FAM193A: variants seen among roughly 807,000 people sequenced by gnomAD.
FAM193A encodes family with sequence similarity 193 member A.
A neutral mutation model predicts 126.5 loss-of-function variants in FAM193A; 22 were observed. The observed-to-expected ratio is 0.17, with a 90% CI of 0.12 to 0.25. The LOEUF (loss-of-function observed/expected upper bound fraction) is 0.25, where lower values mean the gene tolerates loss of function less well. Ranked by LOEUF, FAM193A falls within the 10% of genes least tolerant of loss-of-function variation. The pLI, the probability that FAM193A is intolerant of heterozygous loss-of-function variation, is 1.00. For synonymous variants in FAM193A, 761 were observed against 646.8 expected, an observed-to-expected ratio of 1.18 and a Z score of -2.68; for missense variants, 1,675 against 1,672.8, an observed-to-expected ratio of 1.00 and a Z score of -0.02.
intron 2 of FAM193A, among the ~76,000 whole-genome samples, chr4:2,606,235 G>A (rs965991933): frequency 6.6e-6 from 1 of 151,574 alleles, no homozygotes; most frequent in Non-Finnish European, 1.5e-5. Context: ...ATTTTTGGTA[G>A]AGATGGGGGT....
intron 10 of FAM193A, 130 bp from the exon 11 acceptor site, chr4:2,662,708 G>T: frequency 1.7e-6 from 1 of 578,006 alleles, no homozygotes. Flanking sequence ...TGGTAGGAAT[G>T]ATACTTAACT....
intron 13 of FAM193A, among the ~76,000 whole-genome samples, chr4:2,688,102 C>A (rs1368284759): frequency 6.6e-6 from 1 of 152,180 alleles, no homozygotes; most frequent in African/African-American, 2.4e-5. Flanking sequence ...TTCTCCTCTC[C>A]AGCAGACAGA....
At chr4:2,543,366 G>T (rs1053330486) in intron 1 of FAM193A, among the ~76,000 whole-genome samples, 1 of 151,990 alleles carries the variant, frequency 6.6e-6, no homozygotes, top group Non-Finnish European at 1.5e-5. Context: ...GGATTACGGT[G>T]TGAGCCACTG....
chr4:2,566,540 T>C (rs1738961944), intron 1 of FAM193A, among the ~76,000 whole-genome samples: 1 of 151,924 alleles, frequency 6.6e-6, no homozygotes, highest in African/African-American at 2.4e-5. Context: ...AAACAAAAAT[T>C]AGCTGGACGT....
chr4:2,561,875 A>G (rs1265466947), intron 1 of FAM193A, among the ~76,000 whole-genome samples: 1 of 152,136 alleles, frequency 6.6e-6, no homozygotes, highest in African/African-American at 2.4e-5. Flanking sequence ...ATGTTGTTTG[A>G]GGCCTTTTCC....
Position 2,655,168 on chromosome 4 carries a change from G to C in FAM193A, c.1312-2635G>C. On this transcript the variant is annotated intron_variant, in intron 7 of 20. Transcript: ENST00000637812. ...CATGAAGTTTGATGCTTGCCATACA[G>C]ACTTTTGATACTTTCTAGCAAATTA... 3 of 666,454 alleles carry C rather than the reference G, an allele frequency of 4.5e-6. No individual in the cohort carries two copies. The South Asian group carries it at 4.9e-5, about 11-fold the overall frequency. 41.3% of individuals were successfully genotyped at this position (666,454 alleles called of 1,614,324 possible).
At chr4:2,603,551 G>T (rs1741346938) in intron 2 of FAM193A, among the ~76,000 whole-genome samples, 1 of 149,686 alleles carries the variant, frequency 6.7e-6, no homozygotes, top group African/African-American at 2.5e-5. Context: ...CCGCCTCCTG[G>T]GTTCACACCA....
At chr4:2,636,792 G>C (rs1744131654) in intron 5 of FAM193A, among the ~76,000 whole-genome samples, 3 of 152,106 alleles carry the variant, frequency 2.0e-5, no homozygotes. Context: ...TGTGTCACTT[G>C]TTTTCTTTGA....
At chr4:2,689,396 C>G in intron 13 of FAM193A, 110 bp from the exon 14 acceptor site, 1 of 736,590 alleles carries the variant, frequency 1.4e-6, no homozygotes, top group East Asian at 3.1e-5. Flanking sequence ...CAGCTCATGG[C>G]GAGCACATCC....
intron 7 of FAM193A, among the ~76,000 whole-genome samples, chr4:2,649,899 A>G (rs999384936): frequency 1.6e-4 from 24 of 152,190 alleles, no homozygotes; most frequent in African/African-American, 5.8e-4. Context: ...TATTGCTTGC[A>G]TTACCGCCTG....
intron 12 of FAM193A, among the ~76,000 whole-genome samples, chr4:2,665,480 C>A (rs1713003517): frequency 6.6e-6 from 1 of 152,086 alleles, no homozygotes; most frequent in Non-Finnish European, 1.5e-5. Flanking sequence ...TCTTCCCTTC[C>A]CTTTCCCTTC....
intron 1 of FAM193A, among the ~76,000 whole-genome samples, chr4:2,594,736 A>G (rs1333309113): frequency 1.3e-5 from 2 of 151,044 alleles, no homozygotes; most frequent in African/African-American, 4.9e-5. Flanking sequence ...GTCTCCCCCG[A>G]CACACACACA....
chr4:2,558,266 C>T (rs111936104), intron 1 of FAM193A, among the ~76,000 whole-genome samples: 19 of 146,672 alleles, frequency 1.3e-4, no homozygotes, highest in African/African-American at 4.5e-4. Flanking sequence ...GAGACTGCAT[C>T]TCAAATGAAA....
chr4:2,730,470 C>A (rs372665942), intron 20 of FAM193A, among the ~76,000 whole-genome samples: 2 of 152,050 alleles, frequency 1.3e-5, no homozygotes, highest in Non-Finnish European at 2.9e-5. Flanking sequence ...GAGGGCAGAT[C>A]ACAAGGTCAG....
At chr4:2,591,364 CT>C (rs771043473) in intron 1 of FAM193A, among the ~76,000 whole-genome samples, 18 of 152,110 alleles carry the variant, frequency 1.2e-4, no homozygotes, top group Non-Finnish European at 2.2e-4. Context: ...AGGACTTGAT[CT>C]TTTTAGGCAG....
At chr4:2,635,686 C>T (rs1047775203) in intron 5 of FAM193A, among the ~76,000 whole-genome samples, 2 of 152,180 alleles carry the variant, frequency 1.3e-5, no homozygotes, top group African/African-American at 4.8e-5. Context: ...GTGCCTGCCA[C>T]CACATCTGGC....
intron 15 of FAM193A, among the ~76,000 whole-genome samples, chr4:2,692,399 A>C (rs1314238242): frequency 1.3e-5 from 2 of 152,212 alleles, no homozygotes; most frequent in Admixed American, 1.3e-4. Flanking sequence ...TATGGGAACA[A>C]AATTCAAGAT....
intron 11 of FAM193A, 53 bp downstream of exon 11, chr4:2,663,044 G>T: frequency 6.3e-7 from 1 of 1,594,862 alleles, no homozygotes; most frequent in Non-Finnish European, 8.6e-7. Flanking sequence ...ATGATGGTCT[G>T]ACATTTTAAT....
intron 7 of FAM193A, among the ~76,000 whole-genome samples, chr4:2,648,828 A>G (rs981478771): frequency 2.0e-5 from 3 of 152,226 alleles, no homozygotes; most frequent in Non-Finnish European, 4.4e-5. Flanking sequence ...GGAAGTGGGC[A>G]TCTTCGGCAG....
Sources: allele counts gnomAD v4.1 joint callset (sites outside exome capture counted in the v4.1 genomes callset), GRCh38; gene constraint gnomAD v4.1.1; transcripts MANE v1.5; gene names NCBI Gene and HGNC (gene_info 2026-07-23, HGNC 2026-07-21).